Variants in NRCAM observed in about 807,000 individuals in gnomAD.
NRCAM encodes the protein neuronal cell adhesion molecule, also known as NgCAM-related cell adhesion molecule.
In NRCAM, 83 loss-of-function variants were observed where a neutral mutation model predicts 156.5. That is an observed-to-expected ratio of 0.53 (90% CI 0.44 to 0.64). The LOEUF (loss-of-function observed/expected upper bound fraction) is 0.64, where lower values mean the gene tolerates loss of function less well. NRCAM is among the 30% of genes least tolerant of loss of function. The pLI is 0.00. For synonymous variants in NRCAM, 538 were observed against 563.9 expected (o/e 0.95, Z 0.65); for missense variants, 1,417 against 1,597.3 (o/e 0.89, Z 1.92).
At chr7:108,403,435 A>G (rs914365050) in intron 1 of NRCAM, among the ~76,000 whole-genome samples, 1 of 152,230 alleles carries the variant, frequency 6.6e-6, no homozygotes, top group Non-Finnish European at 1.5e-5. Flanking sequence ...AATTTTAGAG[A>G]GCAAACAGTA....
chr7:108,451,156 T>G (rs1027154680), intron 1 of NRCAM, among the ~76,000 whole-genome samples: 1 of 151,306 alleles, frequency 6.6e-6, no homozygotes, highest in Non-Finnish European at 1.5e-5. Flanking sequence ...GAGGCAGAGG[T>G]TGCAGTGAGC....
At chr7:108,236,323 T>C (rs563180497) in intron 5 of NRCAM, among the ~76,000 whole-genome samples, 1 of 152,318 alleles carries the variant, frequency 6.6e-6, no homozygotes, top group Non-Finnish European at 1.5e-5. Flanking sequence ...CTCATTACTG[T>C]CATCATTTAT....
At chr7:108,361,565 C>A (rs903635268) in intron 2 of NRCAM, among the ~76,000 whole-genome samples, 1 of 152,114 alleles carries the variant, frequency 6.6e-6, no homozygotes, top group Non-Finnish European at 1.5e-5. Context: ...TGGACTTGAA[C>A]TGAAACATTG....
intron 13 of NRCAM, among the ~76,000 whole-genome samples, chr7:108,200,996 G>A (rs2077723417): frequency 6.6e-6 from 1 of 151,976 alleles, no homozygotes; most frequent in Admixed American, 6.6e-5. Context: ...AAAGTGTGGG[G>A]GGCAGCGAGG....
chr7:108,299,114 A>AAAAAAAAAAAAAGAAAG lies in NRCAM; in HGVS notation c.-107+13550_-107+13551insCTTTCTTTTTTTTTTTT. Among the ~76,000 whole-genome samples, 6 of 25,528 alleles carry AAAAAAAAAAAAAGAAAG rather than the reference A, an allele frequency of 2.4e-4. 1 individual carries two copies. Among genetic ancestry groups the AAAAAAAAAAAAAGAAAG allele is most frequent in the African/African-American group, 5.4e-4 (5 of 9,316 alleles). 16.7% of individuals were successfully genotyped at this position (25,528 alleles called of 152,430 possible). On this transcript the variant is annotated intron_variant, in intron 3 of 32. Transcript: ENST00000379028. ...GAGCAAGACTCCATCTCAAAAAAAA[A>AAAAAAAAAAAAAGAAAG]AAAGAAAGAAAGAAAGAAAGAAAGA...
At chr7:108,255,071 G>A in intron 3 of NRCAM, among the ~76,000 whole-genome samples, 1 of 152,172 alleles carries the variant, frequency 6.6e-6, no homozygotes, top group East Asian at 1.9e-4. Flanking sequence ...AAAGTATTCA[G>A]CAATAACAAA....
chr7:108,162,431 T>C (rs2049739854), intron 30 of NRCAM, among the ~76,000 whole-genome samples: 1 of 152,238 alleles, frequency 6.6e-6, no homozygotes, highest in African/African-American at 2.4e-5. Flanking sequence ...CTCTTAAGCA[T>C]TTGACTATAG....
chr7:108,417,806 G>A (rs529955767), intron 1 of NRCAM, among the ~76,000 whole-genome samples: 1 of 152,094 alleles, frequency 6.6e-6, no homozygotes, highest in African/African-American at 2.4e-5. Flanking sequence ...TGACACTGGT[G>A]TTAATACCTG....
At chr7:108,227,978 T>C (rs2093740940) in intron 8 of NRCAM, among the ~76,000 whole-genome samples, 1 of 152,170 alleles carries the variant, frequency 6.6e-6, no homozygotes, top group Admixed American at 6.5e-5. Flanking sequence ...TGGTTGGTGG[T>C]TGCAAATTTA....
At chr7:108,181,752 G>T in intron 24 of NRCAM, 70 bp downstream of exon 24, 1 of 972,416 alleles carries the variant, frequency 1.0e-6, no homozygotes, top group Non-Finnish European at 1.6e-6. Flanking sequence ...ACCTCCTGTG[G>T]TATGCATGAC....
chr7:108,359,691 T>A (rs2099535296), intron 2 of NRCAM, among the ~76,000 whole-genome samples: 1 of 152,120 alleles, frequency 6.6e-6, no homozygotes, highest in African/African-American at 2.4e-5. Flanking sequence ...GCAACCAAAA[T>A]TTTTTTATTT....
chr7:108,151,721 T>G (rs1359056757), intron 32 of NRCAM, among the ~76,000 whole-genome samples: 2 of 152,334 alleles, frequency 1.3e-5, no homozygotes, highest in African/African-American at 4.8e-5. Context: ...GCATTGAGTG[T>G]CTAACCTGTT....
chr7:108,342,336 G>A (rs1007496256), intron 2 of NRCAM, among the ~76,000 whole-genome samples: 1 of 152,160 alleles, frequency 6.6e-6, no homozygotes, highest in Non-Finnish European at 1.5e-5. Context: ...AAGGCACCAG[G>A]GCCCTCAGTG....
At chr7:108,196,551 T>C (rs2075222512) in intron 14 of NRCAM, among the ~76,000 whole-genome samples, 1 of 152,110 alleles carries the variant, frequency 6.6e-6, no homozygotes, top group African/African-American at 2.4e-5. Flanking sequence ...CAAAAGAAGA[T>C]ATACAAACAG....
rs1306330797 is a variant in NRCAM, at chr7:108,148,322, G to T, written c.*1588C>A. On this transcript the variant is annotated 3_prime_UTR_variant, in exon 33 of 33. Coordinates refer to ENST00000379028, the MANE Select transcript of NRCAM (RefSeq NM_001037132.4). ...CAACATAAACATTGCATGTTTATTT[G>T]TATGTAACACCTATAAGCATATAGC... The T allele has an allele frequency of 6.6e-6, 1 of 152,502 alleles. No individual in the cohort carries two copies. The highest frequency in any genetic ancestry group is 1.5e-5 in the Non-Finnish European group (1 of 68,014). 9.4% of individuals were successfully genotyped at this position (152,502 alleles called of 1,614,324 possible).
intron 3 of NRCAM, among the ~76,000 whole-genome samples, chr7:108,274,033 T>C (rs1269665): frequency 0.52 from 78,339 of 152,022 alleles, 23,016 homozygotes; most frequent in East Asian, 0.87. Context: ...CTCAGGTTTG[T>C]CAAAGATTAG....
Position 108,149,658 on chromosome 7 carries a change from T to C in NRCAM, c.*252A>G. The C allele has an allele frequency of 2.0e-6, 1 of 494,650 alleles. No individual in the cohort carries two copies. The highest frequency in any genetic ancestry group is 3.5e-6 in the Non-Finnish European group (1 of 282,014). 30.6% of individuals were successfully genotyped at this position (494,650 alleles called of 1,614,324 possible). A position where few individuals can be genotyped will look rare whatever the true frequency, so the allele number is the denominator to read the frequency against. The stretch of plus-strand genomic sequence containing the variant: ...AAATAACAGGATCTGTTGGTGATGT[T>C]GCATTATTTTTTATCAGTTCTGAGG... On this transcript the variant is annotated 3_prime_UTR_variant, in exon 33 of 33. Coordinates refer to ENST00000379028, the MANE Select transcript of NRCAM (RefSeq NM_001037132.4).
chr7:108,157,560 C>A (rs940832101), intron 32 of NRCAM, among the ~76,000 whole-genome samples: 2 of 152,110 alleles, frequency 1.3e-5, no homozygotes, highest in African/African-American at 4.8e-5. Flanking sequence ...TAAAACTCAA[C>A]CTCCATTTTT....
intron 3 of NRCAM, among the ~76,000 whole-genome samples, chr7:108,290,863 T>C (rs1422503067): frequency 6.6e-6 from 1 of 152,186 alleles, no homozygotes; most frequent in African/African-American, 2.4e-5. Context: ...TACTGTAGCC[T>C]CAAAGCTCTG....
Sources: allele counts gnomAD v4.1 joint callset (sites outside exome capture counted in the v4.1 genomes callset), GRCh38; gene constraint gnomAD v4.1.1; transcripts MANE v1.5; gene names NCBI Gene and HGNC (gene_info 2026-07-23, HGNC 2026-07-21).